PRR33: variants seen among roughly 807,000 people sequenced by gnomAD.
PRR33 encodes proline-rich protein 33.
In PRR33, 1 loss-of-function variant was observed where a neutral mutation model predicts 0.5. That is an observed-to-expected ratio of 2.18 (90% confidence interval 0.77 to 10.34). PRR33 has a LOEUF of 10.34. PRR33 is among the 30% of genes most tolerant of loss of function. PRR33 has a pLI of 0.13. For synonymous variants in PRR33, 226 were observed against 110.0 expected (o/e 2.06, Z -6.60); for missense variants, 552 against 251.8 (o/e 2.19, Z -8.07).
chr11:1,889,041 C>T (rs1376483220), exon 1 of PRR33: 3 of 577,814 alleles, frequency 5.2e-6, no homozygotes, highest in Non-Finnish European at 9.2e-6. Flanking sequence ...GCCCCTTGGG[C>T]CCTGGTGCAT....
chr11:1,914,714 T>G, the PRR33 span, among the ~76,000 whole-genome samples: 1 of 139,058 alleles, frequency 7.2e-6, no homozygotes, highest in Admixed American at 7.2e-5. Context: ...CACCTGGGGA[T>G]GATGTTGCTC....
chr11:1,893,103 G>T (rs1849064377), upstream of PRR33, among the ~76,000 whole-genome samples: 1 of 136,444 alleles, frequency 7.3e-6, no homozygotes, highest in Non-Finnish European at 1.7e-5. Flanking sequence ...GGAGGGATGG[G>T]TGAGTGGATG....
At chr11:1,890,568 G>T (rs746070051) in exon 1 of PRR33, 1 of 709,822 alleles carries the variant, frequency 1.4e-6, no homozygotes, top group Admixed American at 2.0e-5. Context: ...TGCCATCGAC[G>T]CAGCCGATAT....
chr11:1,889,353 G>A lies in PRR33; in HGVS notation c.1232C>T (p.Ala411Val), dbSNP rs747728839. 80 of 712,080 alleles carry A rather than the reference G, an allele frequency of 1.1e-4. No individual in the cohort carries two copies. The African/African-American group carries it at 1.3e-3, about 12-fold the overall frequency. The allele number at this position is 712,080 out of a possible 1,614,324, so 44.1% of individuals were successfully genotyped here. A position where few individuals can be genotyped will look rare whatever the true frequency, so the allele number is the denominator to read the frequency against. ...CCCTGCCAGGCGCCCTTGGGCCTCC[G>A]CCACTGACATGCGGTACAGCACGGC... Residue 411 changes from alanine to valine, a missense_variant, in exon 1 of 1, where the codon GCG becomes GTG. Ala to Val is a moderately conservative substitution (Grantham distance 64). Coordinates refer to ENST00000640310, the Ensembl canonical transcript of PRR33.
chr11:1,915,967 TGGAG>T, the PRR33 span, among the ~76,000 whole-genome samples: 1 of 144,802 alleles, frequency 6.9e-6, no homozygotes, highest in Non-Finnish European at 1.5e-5. Flanking sequence ...ATAGATGAAA[TGGAG>T]GGATGAGTGG....
chr11:1,896,895 C>A (rs564942132), upstream of PRR33, among the ~76,000 whole-genome samples: 5 of 152,280 alleles, frequency 3.3e-5, no homozygotes, highest in East Asian at 9.6e-4. Context: ...AAAAGAAAAA[C>A]CTTAGACAAA....
At chr11:1,897,808 C>T in the PRR33 span, among the ~76,000 whole-genome samples, 1 of 152,112 alleles carries the variant, frequency 6.6e-6, no homozygotes, top group Admixed American at 6.6e-5. The surrounding 1 kb of genome is among the most constrained non-coding windows in gnomAD (Gnocchi z 4.0). Context: ...ATTTAGCATC[C>T]TACAGATGGC....
chr11:1,890,598 G>A (rs1311055566), exon 1 of PRR33: 2 of 701,400 alleles, frequency 2.9e-6, no homozygotes, highest in Non-Finnish European at 5.2e-6. Flanking sequence ...TGTGTCCTAG[G>A]GTGGGAGGGA....
the PRR33 span, among the ~76,000 whole-genome samples, chr11:1,904,026 A>C: frequency 6.6e-6 from 1 of 152,224 alleles, no homozygotes; most frequent in Non-Finnish European, 1.5e-5. Flanking sequence ...AACCCAGCTT[A>C]GATAAAAAAA....
chr11:1,889,908 G>A (rs1346227923), exon 1 of PRR33: 3 of 627,308 alleles, frequency 4.8e-6, no homozygotes, highest in East Asian at 5.5e-5. Flanking sequence ...GCGGATGTGA[G>A]CCACTGGGAC....
the PRR33 span, among the ~76,000 whole-genome samples, chr11:1,913,524 G>A: frequency 6.6e-6 from 1 of 152,094 alleles, no homozygotes; most frequent in Non-Finnish European, 1.5e-5. Flanking sequence ...TTGCTCTGGG[G>A]TCTCCCATTC....
At chr11:1,890,282 G>T in exon 1 of PRR33, 1 of 712,414 alleles carries the variant, frequency 1.4e-6, no homozygotes, top group Non-Finnish European at 2.6e-6. Flanking sequence ...GAGCCTCGGC[G>T]GGGCGTGGGG....
the PRR33 span, among the ~76,000 whole-genome samples, chr11:1,899,199 G>T: frequency 2.6e-5 from 4 of 152,066 alleles, no homozygotes; most frequent in African/African-American, 9.7e-5. Flanking sequence ...GTCCATATCT[G>T]GGATGCCAGC....
chr11:1,900,939 A>G, the PRR33 span, among the ~76,000 whole-genome samples: 721 of 152,328 alleles, frequency 4.7e-3, 5 homozygotes, highest in African/African-American at 0.016. Flanking sequence ...GTTTTAAACT[A>G]TAAACTAAGT....
the PRR33 span, among the ~76,000 whole-genome samples, chr11:1,909,272 A>G: frequency 6.6e-6 from 1 of 152,080 alleles, no homozygotes; most frequent in African/African-American, 2.4e-5. Context: ...GCTCGAGTCC[A>G]GGAGTTTGAG....
At chr11:1,896,912 T>C in the PRR33 span, among the ~76,000 whole-genome samples, 1 of 152,256 alleles carries the variant, frequency 6.6e-6, no homozygotes, top group African/African-American at 2.4e-5. Context: ...CAAATTAAAT[T>C]TAACAGAGTT....
At chr11:1,899,719 G>T in the PRR33 span, among the ~76,000 whole-genome samples, 16 of 152,262 alleles carry the variant, frequency 1.1e-4, no homozygotes, top group African/African-American at 3.6e-4. Flanking sequence ...TTTACCACTT[G>T]AGCAGTGAAA....
the PRR33 span, among the ~76,000 whole-genome samples, chr11:1,899,229 C>T: frequency 4.6e-5 from 7 of 152,096 alleles, no homozygotes; most frequent in Non-Finnish European, 1.5e-5. Flanking sequence ...GGAGAAACTT[C>T]CCTGATTAGC....
chr11:1,893,632 A>T (rs114188908), upstream of PRR33, among the ~76,000 whole-genome samples: 305 of 151,266 alleles, frequency 2.0e-3, no homozygotes, highest in African/African-American at 6.4e-3. Context: ...GGGTGGATGG[A>T]TGGATGGAAG....
Sources: allele counts gnomAD v4.1 joint callset (sites outside exome capture counted in the v4.1 genomes callset), GRCh38; gene constraint gnomAD v4.1.1; non-coding constraint Gnocchi (gnomAD v3.1); transcripts MANE v1.5; gene names NCBI Gene and HGNC (gene_info 2026-07-23, HGNC 2026-07-21).